PCNX4: variants seen among roughly 807,000 people sequenced by gnomAD.
PCNX4 encodes pecanex 4, also known as pecanex-like protein 4.
In PCNX4, 103 loss-of-function variants were observed where a neutral mutation model predicts 107.2. The ratio of observed to expected loss-of-function variants is 0.96; its 90% CI spans 0.82 to 1.13. PCNX4 has a LOEUF of 1.13. Ranked by LOEUF, PCNX4 falls within the 50% of genes most tolerant of loss-of-function variation. PCNX4 has a pLI of 0.00. For missense variants in PCNX4, 1,528 were observed against 1,379.4 expected (o/e 1.11, Z -1.71); for synonymous variants, 541 against 481.7 (o/e 1.12, Z -1.61).
chr14:60,103,453 C>T (rs764084276), intron 1 of PCNX4, among the ~76,000 whole-genome samples: 1 of 152,194 alleles, frequency 6.6e-6, no homozygotes, highest in African/African-American at 2.4e-5. Context: ...ACTGCCCTGA[C>T]CACAGACCCC....
chr14:60,098,712 G>T (rs905737585), intron 1 of PCNX4, among the ~76,000 whole-genome samples: 12 of 152,108 alleles, frequency 7.9e-5, no homozygotes, highest in Admixed American at 7.2e-4. Context: ...GATGAGGCGG[G>T]TGGATCACCT....
rs986142168 is a variant in PCNX4, at chr14:60,125,040, G to A, written c.2869G>A (p.Val957Ile). ...TCATTCAGAAGAGAAGGCCTCAAAT[G>A]TACTGGAAGAAATTGCCAAGGACAA... is the stretch of plus-strand genomic sequence containing the variant. ...CYHSEEKASN[V>I]LEEIAKDKVL... The change falls in exon 9 of 11, where the codon GTA becomes ATA. Residue 957 changes from valine to isoleucine, a missense_variant. Physicochemically the swap from Val to Ile is conservative, Grantham distance 29. Coordinates refer to ENST00000406854, the MANE Select transcript of PCNX4 (RefSeq NM_001330177.2). 5 of 1,613,646 alleles carry A rather than the reference G, an allele frequency of 3.1e-6. No individual in the cohort carries two copies. The highest frequency in any genetic ancestry group is 4.2e-6 in the Non-Finnish European group (5 of 1,179,712).
At position 60,115,127 on chromosome 14, in the gene PCNX4, G is replaced by T; in HGVS notation, c.1023G>T (p.Lys341Asn). 1 of 1,613,786 alleles carries T rather than the reference G, an allele frequency of 6.2e-7. No homozygotes were observed. Among genetic ancestry groups the T allele is most frequent in the Non-Finnish European group, 8.5e-7 (1 of 1,179,826 alleles). Residue 341 changes from lysine (K) to asparagine (N), a missense_variant, in exon 4 of 11, where the codon AAG becomes AAT. By Grantham distance (94) the Lys-to-Asn change is moderately conservative (BLOSUM62 0). Transcript: ENST00000406854. The part of the protein sequence containing the change: ...DMGHKIGTKS[K>N]DLPSGPEKHF... ...GTCACAAAATTGGAACCAAATCTAA[G>T]GATTTACCCAGTGGTCCGGAAAAAC...
chr14:60,121,161 CTTTTT>C (rs747483127), intron 7 of PCNX4, 30 bp from the exon 8 acceptor site: 61 of 1,100,482 alleles, frequency 5.5e-5, no homozygotes, highest in East Asian at 1.5e-4. Flanking sequence ...AAATGATTTT[CTTTTT>C]TTTTTTTTTT....
At position 60,094,912 on chromosome 14, in the gene PCNX4, T is replaced by C. The variant is rs76174362; in HGVS notation, c.-54+2493T>C. ...TTAATATCACTGGTTCTCAGGTTTT[T>C]TTGTAAAATAAATTAATTTATTTCT... On this transcript the variant is annotated intron_variant, in intron 1 of 10. Coordinates refer to ENST00000406854, the MANE Select transcript of PCNX4 (RefSeq NM_001330177.2). 3.3e-3 allele frequency among the ~76,000 whole-genome samples: 502 copies of C among 152,320 alleles called. 14 individuals carry two copies. In the East Asian group the frequency reaches 0.055, roughly 17 times the overall value.
At position 60,115,968 on chromosome 14, in the gene PCNX4, T is replaced by C. The variant is rs760562981; in HGVS notation, c.1486T>C (p.Leu496=). Residue 496 remains leucine (L), a synonymous_variant, in exon 6 of 11, where the codon TTG becomes CTG. Transcript: ENST00000406854. ...MVWQNTENAL[L]ETVIVSTVHL... ...ATGGCAGAATACAGAAAATGCTTTA[T>C]TGGAGACAGTCATTGTATCAACAGT... 8.1e-6 allele frequency: 13 copies of C among 1,611,568 alleles called. No homozygotes were observed. The highest frequency in any genetic ancestry group is 2.7e-5 in the African/African-American group (2 of 74,888).
chr14:60,115,314 A>C lies in PCNX4; in HGVS notation c.1210A>C (p.Ile404Leu), dbSNP rs867497663. 11 of 1,607,720 alleles carry C rather than the reference A, an allele frequency of 6.8e-6. No homozygotes were observed. In the African/African-American group the frequency reaches 1.1e-4, roughly 16 times the overall value. ...GATGATATTACTTATAATACTGTGG[A>C]TACTTAGAGAAATTCAAAGCGTATA... ...GLMILLIILW[I>L]LREIQSVYII... The change falls in exon 4 of 11, where the codon ATA becomes CTA. Residue 404 changes from isoleucine (I) to leucine (L), a missense_variant. Coordinates refer to ENST00000406854, the MANE Select transcript of PCNX4 (RefSeq NM_001330177.2).
intron 10 of PCNX4, among the ~76,000 whole-genome samples, chr14:60,128,525 TAAAG>T (rs898984346): frequency 2.0e-5 from 3 of 152,076 alleles, no homozygotes; most frequent in African/African-American, 7.2e-5. Flanking sequence ...GAAAGCAAAA[TAAAG>T]AAATTCCCAG....
chr14:60,108,098 G>A lies in PCNX4; in HGVS notation c.460G>A (p.Gly154Arg), dbSNP rs1287299388. ...TCTTGCTGGATTAGCGTGTGGTCTTGGAACATGGTATCTGCTCCCAAATAG... is the reference window on the plus strand; with the variant it reads ...TCTTGCTGGATTAGCGTGTGGTCTTAGAACATGGTATCTGCTCCCAAATAG... The part of the protein sequence containing the change: ...SILAGLACGL[G>R]TWYLLPNRIT... The change falls in exon 2 of 11, where the codon GGA becomes AGA. Residue 154 changes from glycine to arginine, a missense_variant. Gly to Arg is a moderately radical substitution (Grantham distance 125). Coordinates refer to ENST00000406854, the MANE Select transcript of PCNX4 (RefSeq NM_001330177.2). 1.7e-5 allele frequency: 27 copies of A among 1,612,688 alleles called. No individual in the cohort carries two copies. Among genetic ancestry groups the A allele is most frequent in the African/African-American group, 4.0e-5 (3 of 74,908 alleles).
Position 60,115,015 on chromosome 14 carries a change from C to T in PCNX4, c.911C>T (p.Ala304Val). 4 of 1,612,136 alleles carry T rather than the reference C, an allele frequency of 2.5e-6. No individual in the cohort carries two copies. Among genetic ancestry groups the T allele is most frequent in the Non-Finnish European group, 2.5e-6 (3 of 1,178,596 alleles). ...MFIMSAGTAIASYFIPSTVGV... is the reference protein window; with the variant it reads ...MFIMSAGTAIVSYFIPSTVGV... Reference sequence around the variant, plus strand: ...ATCATGTCTGCTGGAACAGCTATAGCATCATATTTCATTCCAAGCACTGTT... The same window carrying T: ...ATCATGTCTGCTGGAACAGCTATAGTATCATATTTCATTCCAAGCACTGTT... Residue 304 changes from alanine to valine, a missense_variant, in exon 4 of 11, where the codon GCA becomes GTA. Transcript: ENST00000406854.
chr14:60,099,988 CT>C (rs1475619364), intron 1 of PCNX4, among the ~76,000 whole-genome samples: 14 of 152,048 alleles, frequency 9.2e-5, no homozygotes, highest in African/African-American at 3.1e-4. Context: ...TCGCTTGAAC[CT>C]AGGAGGCAGA....
chr14:60,114,532 TTGTA>T (rs796799985), intron 2 of PCNX4, among the ~76,000 whole-genome samples, 164 bp from the exon 3 acceptor site: 73 of 152,254 alleles, frequency 4.8e-4, no homozygotes, highest in African/African-American at 1.6e-3. Flanking sequence ...TTGTCACAAT[TTGTA>T]TGTATTGATC....
In PCNX4 at chr14:60,133,512, G is replaced by A. The variant is rs190483416; in HGVS notation, c.3268-458G>A. The stretch of plus-strand genomic sequence containing the variant: ...TATGATGTTTTAAAACTTAACTGTG[G>A]TGATGGTTGCACGTATCTGTGACTA... On this transcript the variant is annotated intron_variant, in intron 10 of 10. Coordinates refer to ENST00000406854, the MANE Select transcript of PCNX4 (RefSeq NM_001330177.2). 1.7e-3 allele frequency: 625 copies of A among 363,238 alleles called. 1 individual carries two copies. Among genetic ancestry groups the A allele is most frequent in the Non-Finnish European group, 2.5e-3 (465 of 188,456 alleles). 22.5% of individuals were successfully genotyped at this position (363,238 alleles called of 1,614,324 possible).
At chr14:60,104,839 A>G (rs756208819) in intron 1 of PCNX4, among the ~76,000 whole-genome samples, 21 of 152,174 alleles carry the variant, frequency 1.4e-4, no homozygotes, top group Admixed American at 1.3e-4. Context: ...ACAATTCAAG[A>G]TGAGATTTGG....
At position 60,145,977 on chromosome 14, in the gene PCNX4, AG is replaced by A. The variant is rs1046876739; in HGVS notation, c.*11757del. 1 of 150,764 alleles carries A rather than the reference AG, an allele frequency of 6.6e-6. No individual in the cohort carries two copies. The highest frequency in any genetic ancestry group is 1.5e-5 in the Non-Finnish European group (1 of 67,726). The allele number at this position is 150,764 out of a possible 1,614,324, so 9.3% of individuals were successfully genotyped here. The stretch of plus-strand genomic sequence containing the variant: ...CTATTAGCTTGAAATAAGCTATGCT[AG>A]CATTTTCTTAACTTAGACGCTTATC... On this transcript the variant is annotated 3_prime_UTR_variant, in exon 11 of 11. Transcript: ENST00000406854. The surrounding 1 kb of genome is among the most constrained non-coding windows in gnomAD (Gnocchi z 4.0).
chr14:60,103,385 A>G (rs1019339696), intron 1 of PCNX4, among the ~76,000 whole-genome samples: 2 of 152,226 alleles, frequency 1.3e-5, no homozygotes, highest in African/African-American at 4.8e-5. Context: ...CAAAGGCTTT[A>G]GTCTGCTGAT....
Position 60,134,062 on chromosome 14 carries a change from T to C in PCNX4, c.3360T>C (p.Asn1120=). Residue 1120 remains asparagine, a synonymous_variant, in exon 11 of 11, where the codon AAT becomes AAC. Coordinates refer to ENST00000406854, the MANE Select transcript of PCNX4 (RefSeq NM_001330177.2). ...AAGCTGTTAGAGGTCAGTGGGCCAA[T>C]CTTTCATGGGAATTACTTTATGCCA... is the stretch of plus-strand genomic sequence containing the variant. ...NPEAVRGQWA[N]LSWELLYATN... 6.2e-7 allele frequency: 1 copy of C among 1,613,840 alleles called. No individual in the cohort carries two copies. Among genetic ancestry groups the C allele is most frequent in the Non-Finnish European group, 8.5e-7 (1 of 1,179,786 alleles).
intron 1 of PCNX4, among the ~76,000 whole-genome samples, chr14:60,105,946 T>C (rs989412573): frequency 7.2e-5 from 11 of 152,222 alleles, no homozygotes; most frequent in Non-Finnish European, 1.6e-4. Context: ...GCATCTTCCA[T>C]AGATAACTTG....
At chr14:60,093,609 T>A (rs1312361161) in intron 1 of PCNX4, among the ~76,000 whole-genome samples, 1 of 152,254 alleles carries the variant, frequency 6.6e-6, no homozygotes, top group East Asian at 1.9e-4. Flanking sequence ...TTGGGTTGTT[T>A]TCATTTTTTG....
Sources: gnomAD v4.1 joint callset for allele counts (sites outside exome capture counted in the v4.1 genomes callset) on GRCh38, gnomAD v4.1.1 for gene constraint, Gnocchi (gnomAD v3.1) non-coding constraint, MANE v1.5 for transcripts, NCBI Gene and HGNC (gene_info 2026-07-23, HGNC 2026-07-21) for gene names.